Variants in SYNJ2 observed in about 807,000 individuals in gnomAD.
SYNJ2 encodes synaptojanin 2, also known as polyphosphatidylinositol phosphatase SYNJ2.
A neutral mutation model predicts 141.3 loss-of-function variants in SYNJ2; 116 were observed. The observed-to-expected ratio is 0.82, with a 90% CI of 0.71 to 0.96. SYNJ2 has a LOEUF of 0.96. SYNJ2 is among the 40% of genes least tolerant of loss of function. The pLI, the probability that SYNJ2 is intolerant of heterozygous loss-of-function variation, is 0.00. For synonymous variants in SYNJ2, 745 were observed against 777.7 expected (o/e 0.96, Z 0.70); for missense variants, 1,873 against 1,934.8 (o/e 0.97, Z 0.60).
chr6:158,000,464 G>A (rs1271953586), intron 1 of SYNJ2, among the ~76,000 whole-genome samples: 1 of 152,146 alleles, frequency 6.6e-6, no homozygotes, highest in East Asian at 1.9e-4. Flanking sequence ...GGGCTCAGTA[G>A]GCCGTCTCAT....
Position 158,043,447 on chromosome 6 carries a change from T to A in SYNJ2, c.795+48T>A, listed in dbSNP as rs1406494578. 3 of 1,363,632 alleles carry A rather than the reference T, an allele frequency of 2.2e-6. No homozygotes were observed. The highest frequency in any genetic ancestry group is 3.1e-6 in the Non-Finnish European group (3 of 961,742). The allele number at this position is 1,363,632 out of a possible 1,614,324, so 84.5% of individuals were successfully genotyped here. A position where few individuals can be genotyped will look rare whatever the true frequency, so the allele number is the denominator to read the frequency against. Reference sequence around the variant, plus strand: ...TGTCCCCTTGTGATGTTGTCCGCCCTGCCCTTCCCTTCAATAGCTGGGGAA... The same window carrying A: ...TGTCCCCTTGTGATGTTGTCCGCCCAGCCCTTCCCTTCAATAGCTGGGGAA... On this transcript the variant is annotated intron_variant, in intron 5 of 26. Coordinates refer to ENST00000355585, the MANE Select transcript of SYNJ2 (RefSeq NM_003898.4). The surrounding 1 kb of genome is among the most constrained non-coding windows in gnomAD (Gnocchi z 4.0).
In SYNJ2 at chr6:158,071,572, C is replaced by A. The variant is rs752719778; in HGVS notation, c.1941-30C>A. 6.3e-7 allele frequency: 1 copy of A among 1,597,930 alleles called. No individual in the cohort carries two copies. The highest frequency in any genetic ancestry group is 1.3e-5 in the African/African-American group (1 of 74,534). The stretch of plus-strand genomic sequence containing the variant: ...AGGGTCACACTTCTCCTTCAGGAGC[C>A]GACGGCATGCGCGTATCCTTCTGTT... On this transcript the variant is annotated intron_variant, in intron 14 of 26. Transcript: ENST00000355585. This position sits in a 1 kb window ranked among gnomAD's most constrained non-coding sequence, Gnocchi z 4.3.
chr6:158,082,530 C>T (rs1244470799), intron 20 of SYNJ2, among the ~76,000 whole-genome samples: 4 of 150,144 alleles, frequency 2.7e-5, no homozygotes, highest in Non-Finnish European at 5.9e-5. Flanking sequence ...GACATGGTGG[C>T]GCGTGCCTCT....
chr6:157,997,761 G>A (rs1777691112), intron 1 of SYNJ2, among the ~76,000 whole-genome samples: 1 of 99,926 alleles, frequency 1.0e-5, no homozygotes, highest in South Asian at 3.4e-4. Flanking sequence ...CGAAGCATTG[G>A]CAAAAAAAAT....
intron 7 of SYNJ2, among the ~76,000 whole-genome samples, chr6:158,059,823 G>A (rs1781101073): frequency 6.6e-6 from 1 of 152,186 alleles, no homozygotes; most frequent in Non-Finnish European, 1.5e-5. Context: ...CCAAAGTGCT[G>A]GGATTGCAGG....
At chr6:158,024,152 CGGT>C (rs767938778) in intron 2 of SYNJ2, among the ~76,000 whole-genome samples, 1 of 152,122 alleles carries the variant, frequency 6.6e-6, no homozygotes, top group Non-Finnish European at 1.5e-5. Flanking sequence ...CGGCCAGGCA[CGGT>C]GGCTCATGCC....
rs1440843768 is a variant in SYNJ2 at position 158,088,717 on chromosome 6, G to A, written c.3401G>A (p.Gly1134Glu). The change falls in exon 24 of 27, where the codon GGA becomes GAA. Residue 1134 changes from glycine (G) to glutamate (E), a missense_variant. Gly to Glu is a moderately conservative substitution (Grantham distance 98). Transcript: ENST00000355585. ...SDASISSGTHGQYSILQTARL... is the reference protein window; with the variant it reads ...SDASISSGTHEQYSILQTARL... ...GCGTCCATCTCCTCCGGCACCCATG[G>A]ACAGTATTCAATTTTGCAGACGGCA... 2 of 1,613,972 alleles carry A rather than the reference G, an allele frequency of 1.2e-6. No homozygotes were observed. Among genetic ancestry groups the A allele is most frequent in the Non-Finnish European group, 1.7e-6 (2 of 1,179,994 alleles).
intron 5 of SYNJ2, among the ~76,000 whole-genome samples, chr6:158,052,150 A>G (rs1780605185): frequency 6.6e-6 from 1 of 152,246 alleles, no homozygotes; most frequent in Non-Finnish European, 1.5e-5. Context: ...GCATCTCATA[A>G]CATAGATAAA....
At chr6:158,006,483 C>G (rs912507298) in intron 1 of SYNJ2, among the ~76,000 whole-genome samples, 3 of 152,188 alleles carry the variant, frequency 2.0e-5, no homozygotes, top group African/African-American at 7.2e-5. Flanking sequence ...CTTTCTTCTC[C>G]TGGCCGCCAG....
intron 5 of SYNJ2, among the ~76,000 whole-genome samples, chr6:158,052,474 C>T (rs1780625741): frequency 6.6e-6 from 1 of 152,268 alleles, no homozygotes; most frequent in African/African-American, 2.4e-5. Flanking sequence ...GCAGGCTATA[C>T]AGGAAGCATG....
In SYNJ2 at chr6:158,084,392, A is replaced by G. The variant is rs1782904507; in HGVS notation, c.3208+218A>G. 6.6e-6 allele frequency among the ~76,000 whole-genome samples: 1 copy of G among 152,072 alleles called. No individual in the cohort carries two copies. Among genetic ancestry groups the G allele is most frequent in the Non-Finnish European group, 1.5e-5 (1 of 68,016 alleles). ...CCTCTAGTTAGTTTATTTTTTTACA[A>G]TAACTTGTACCCCCATAACACACCA... On this transcript the variant is annotated intron_variant, in intron 22 of 26. Transcript: ENST00000355585. This position sits in a 1 kb window ranked among gnomAD's most constrained non-coding sequence, Gnocchi z 5.0.
chr6:158,093,974 A>T (rs751192949), intron 26 of SYNJ2: 2 of 765,238 alleles, frequency 2.6e-6, no homozygotes, highest in South Asian at 2.7e-5. Context: ...CAGCCCAAAG[A>T]CTGGCATCTG....
At chr6:158,022,265 G>T (rs912552653) in intron 2 of SYNJ2, among the ~76,000 whole-genome samples, 2 of 152,192 alleles carry the variant, frequency 1.3e-5, no homozygotes, top group East Asian at 1.9e-4. Context: ...GGGACCCCAG[G>T]GTTGGGATTG....
rs778809711 is a variant in SYNJ2 at position 158,078,150 on chromosome 6, A to G, written c.2450-14A>G. 7 of 1,536,916 alleles carry G rather than the reference A, an allele frequency of 4.6e-6. No homozygotes were observed. Among genetic ancestry groups the G allele is most frequent in the Non-Finnish European group, 6.3e-6 (7 of 1,110,552 alleles). ...ATTCTATATGGGTCTCTCGAATGGA[A>G]CCCCTGCGAGTAGCTGGAGAACTCA... On this transcript the variant is annotated splice_polypyrimidine_tract_variant and intron_variant, in intron 17 of 26. Transcript: ENST00000355585.
chr6:158,028,603 AG>A (rs1005223895), intron 2 of SYNJ2, 152 bp from the exon 3 acceptor site: 100 of 987,314 alleles, frequency 1.0e-4, no homozygotes, highest in Non-Finnish European at 1.3e-4. Flanking sequence ...CAGGTTCTTG[AG>A]CCATTGAGTT....
At chr6:157,989,295 T>G (rs1262537051) in intron 1 of SYNJ2, among the ~76,000 whole-genome samples, 1 of 151,938 alleles carries the variant, frequency 6.6e-6, no homozygotes, top group African/African-American at 2.4e-5. Context: ...AGGCAAGTAC[T>G]AGTAATCTCC....
rs753312094 is a variant in SYNJ2, at chr6:158,054,982, C to T, written c.811C>T (p.Leu271=). The T allele has an allele frequency of 3.1e-6, 5 of 1,614,010 alleles. No homozygotes were observed. The highest frequency in any genetic ancestry group is 2.2e-5 in the East Asian group (1 of 44,896). The part of the protein sequence containing the change: ...QPGLQVGSHH[L]RLHRGLEANA... The stretch of plus-strand genomic sequence containing the variant: ...TTTGCTTTAGGTTGGCTCCCATCAT[C>T]TGAGACTCCACAGAGGCCTGGAAGC... The change falls in exon 6 of 27, where the codon CTG becomes TTG. Residue 271 remains leucine (L), a synonymous_variant. Transcript: ENST00000355585.
Position 158,043,371 on chromosome 6 carries a change from C to T in SYNJ2, c.767C>T (p.Pro256Leu), listed in dbSNP as rs200593132. 233 of 1,613,988 alleles carry T rather than the reference C, an allele frequency of 1.4e-4. No homozygotes were observed. Among genetic ancestry groups the T allele is most frequent in the Middle Eastern group, 3.3e-4 (2 of 6,084 alleles). ...TTTGTCCAGATCAGAGGCTCCGTTC[C>T]GCTGTTCTGGGAACAGCCAGGGCTT... Reference protein sequence around the residue: ...SSFVQIRGSVPLFWEQPGLQV... With the variant: ...SSFVQIRGSVLLFWEQPGLQV... The change falls in exon 5 of 27, where the codon CCG (proline) becomes CTG (leucine). Residue 256 changes from proline (P) to leucine (L), a missense_variant. Transcript: ENST00000355585. This position sits in a 1 kb window ranked among gnomAD's most constrained non-coding sequence, Gnocchi z 4.0.
At chr6:158,057,356 G>A (rs535403211) in intron 6 of SYNJ2, among the ~76,000 whole-genome samples, 1 of 152,172 alleles carries the variant, frequency 6.6e-6, no homozygotes, top group African/African-American at 2.4e-5. Context: ...GGGTGCCAGC[G>A]TCCCCTTACC....
Sources: allele counts gnomAD v4.1 joint callset (sites outside exome capture counted in the v4.1 genomes callset), GRCh38; gene constraint gnomAD v4.1.1; non-coding constraint Gnocchi (gnomAD v3.1); transcripts MANE v1.5; gene names NCBI Gene and HGNC (gene_info 2026-07-23, HGNC 2026-07-21).